The following ZDHHC21 variants were observed in gnomAD, a reference collection of about 807,000 sequenced individuals.
The protein encoded by ZDHHC21 is palmitoyltransferase ZDHHC21.
A neutral mutation model predicts 34.6 loss-of-function variants in ZDHHC21; 15 were observed. The ratio of observed to expected loss-of-function variants is 0.43; its 90% CI spans 0.29 to 0.67. The LOEUF (loss-of-function observed/expected upper bound fraction) is 0.67. ZDHHC21 is among the 30% of genes least tolerant of loss of function. The pLI, the probability that ZDHHC21 is intolerant of heterozygous loss-of-function variation, is 0.14. For synonymous variants in ZDHHC21, 142 were observed against 101.8 expected (o/e 1.40, Z -2.38); for missense variants, 344 against 327.7 (o/e 1.05, Z -0.38).
chr9:14,693,310 C>T lies in ZDHHC21; in HGVS notation c.-306G>A, dbSNP rs890803456. On this transcript the variant is annotated 5_prime_UTR_variant, in exon 1 of 10. Coordinates refer to ENST00000380916, the MANE Select transcript of ZDHHC21 (RefSeq NM_178566.6). ...TCCCCTCCTCCTGCCGCGCCACCTC[C>T]GCCTCCTCCGGCGCCGCCGCCCAGG... 2 of 417,212 alleles carry T rather than the reference C, an allele frequency of 4.8e-6. No individual in the cohort carries two copies. The highest frequency in any genetic ancestry group is 4.4e-5 in the African/African-American group (2 of 45,654). 25.8% of individuals were successfully genotyped at this position (417,212 alleles called of 1,614,324 possible). A position where few individuals can be genotyped will look rare whatever the true frequency, so the allele number is the denominator to read the frequency against.
intron 5 of ZDHHC21, among the ~76,000 whole-genome samples, chr9:14,664,465 T>A (rs1348725862): frequency 2.0e-5 from 3 of 151,534 alleles, no homozygotes. Context: ...CTTGCTTAGG[T>A]AGACAAAGCA....
intron 2 of ZDHHC21, among the ~76,000 whole-genome samples, chr9:14,681,842 T>C (rs1011923079): frequency 2.6e-5 from 4 of 152,000 alleles, no homozygotes; most frequent in African/African-American, 9.7e-5. Context: ...AGCAGATCTC[T>C]TGGCAGAAAC....
rs372983877 is a variant in ZDHHC21 at position 14,658,851 on chromosome 9, G to A, written c.402C>T (p.Leu134=). Residue 134 remains leucine, a synonymous_variant, in exon 7 of 10, where the codon CTC becomes CTT. Coordinates refer to ENST00000380916, the MANE Select transcript of ZDHHC21 (RefSeq NM_178566.6). ...CAGTGTAGAAACACAACTGCAGAAA[G>A]AGCCAATGATTATCTTCACCAACAC... ...NNCVGEDNHW[L]FLQLCFYTEL... is the part of the protein sequence containing the mutation. 2.5e-6 allele frequency: 4 copies of A among 1,612,934 alleles called. No homozygotes were observed. The highest frequency in any genetic ancestry group is 2.5e-6 in the Non-Finnish European group (3 of 1,179,422).
the ZDHHC21 span, chr9:14,589,928 G>C: frequency 6.6e-6 from 1 of 152,056 alleles, no homozygotes; most frequent in Non-Finnish European, 1.5e-5. Context: ...ACTAAATATG[G>C]GAAGAAGCAA....
At position 14,616,195 on chromosome 9, in the gene ZDHHC21, T is replaced by G. The variant is rs1021183744; in HGVS notation, c.*2771A>C. On this transcript the variant is annotated 3_prime_UTR_variant, in exon 10 of 10. Coordinates refer to ENST00000380916, the MANE Select transcript of ZDHHC21 (RefSeq NM_178566.6). ...TGCTTGGTTGTCTTTGTAGCTACAA[T>G]ACATTTCTATGTTTTGTAATAAATT... The G allele has an allele frequency of 9.2e-5, 14 of 151,774 alleles. No individual in the cohort carries two copies. The highest frequency in any genetic ancestry group is 2.1e-4 in the Non-Finnish European group (14 of 67,756). 9.4% of individuals were successfully genotyped at this position (151,774 alleles called of 1,614,324 possible). A position where few individuals can be genotyped will look rare whatever the true frequency, so the allele number is the denominator to read the frequency against.
intron 7 of ZDHHC21, among the ~76,000 whole-genome samples, chr9:14,642,662 T>G (rs918640784): frequency 6.6e-6 from 1 of 152,128 alleles, no homozygotes; most frequent in African/African-American, 2.4e-5. Flanking sequence ...GGAAAGACCA[T>G]GTGGGGACAG....
At chr9:14,663,509 A>C (rs1396915121) in intron 5 of ZDHHC21, among the ~76,000 whole-genome samples, 1 of 131,872 alleles carries the variant, frequency 7.6e-6, no homozygotes, top group Admixed American at 7.5e-5. Flanking sequence ...TTTTTTTTTT[A>C]CCAATATTGA....
the ZDHHC21 span, among the ~76,000 whole-genome samples, chr9:14,599,298 G>A: frequency 6.6e-6 from 1 of 152,166 alleles, no homozygotes; most frequent in Non-Finnish European, 1.5e-5. Context: ...CACAGAGGAT[G>A]AGCCAAAGCA....
At chr9:14,658,991 C>A (rs1832875205) in intron 6 of ZDHHC21, 104 bp from the exon 7 acceptor site, 1 of 1,180,906 alleles carries the variant, frequency 8.5e-7, no homozygotes, top group African/African-American at 1.5e-5. Flanking sequence ...ATATGCTTAA[C>A]TTCATGGAGA....
chr9:14,622,496 A>T (rs1040845738), intron 8 of ZDHHC21: 12 of 983,840 alleles, frequency 1.2e-5, no homozygotes, highest in Non-Finnish European at 1.3e-5. Flanking sequence ...GGGGGGTGGG[A>T]TAAAGAGCAA....
intron 7 of ZDHHC21, among the ~76,000 whole-genome samples, chr9:14,649,385 G>A (rs1301338073): frequency 1.3e-5 from 2 of 151,972 alleles, no homozygotes; most frequent in East Asian, 3.9e-4. Flanking sequence ...GGTTCATAAG[G>A]CAAATACTCT....
chr9:14,650,843 T>C (rs184974185), intron 7 of ZDHHC21, among the ~76,000 whole-genome samples: 1,780 of 152,076 alleles, frequency 0.012, 16 homozygotes, highest in African/African-American at 0.024. Context: ...TTGGCAGCAT[T>C]TCCTTTATTG....
chr9:14,692,396 T>A (rs1399399582), intron 1 of ZDHHC21, among the ~76,000 whole-genome samples: 1 of 152,214 alleles, frequency 6.6e-6, no homozygotes, highest in Non-Finnish European at 1.5e-5. Flanking sequence ...TAGTCGCCTT[T>A]GGACTGTAAC....
chr9:14,676,844 T>C (rs1836482415), intron 3 of ZDHHC21, among the ~76,000 whole-genome samples: 1 of 152,018 alleles, frequency 6.6e-6, no homozygotes, highest in African/African-American at 2.4e-5. Context: ...TATCAAGTGC[T>C]AAAAGAAATG....
chr9:14,647,834 T>A (rs1830534859), intron 7 of ZDHHC21, among the ~76,000 whole-genome samples: 1 of 152,148 alleles, frequency 6.6e-6, no homozygotes, highest in African/African-American at 2.4e-5. Flanking sequence ...TATTTCGAAT[T>A]ACTTCTAGGA....
the ZDHHC21 span, among the ~76,000 whole-genome samples, chr9:14,593,075 ATAACT>A: frequency 3.5e-4 from 53 of 152,296 alleles, no homozygotes; most frequent in African/African-American, 1.2e-3. Flanking sequence ...TTTCAACCAA[ATAACT>A]TAAGCTTCCA....
chr9:14,669,321 T>C (rs945093252), intron 5 of ZDHHC21, among the ~76,000 whole-genome samples: 2 of 143,190 alleles, frequency 1.4e-5, no homozygotes, highest in Non-Finnish European at 3.1e-5. Context: ...TCACACCAGT[T>C]AGAATGGCGA....
rs1409396222 is a variant in ZDHHC21 at position 14,611,409 on chromosome 9, T to C, written c.*7557A>G. ...TCAACTACTATTTTCCTAATTACCA[T>C]CAACACTAGAAATATTGGTGAAGAT... On this transcript the variant is annotated 3_prime_UTR_variant, in exon 10 of 10. Transcript: ENST00000380916. 6.6e-6 allele frequency: 1 copy of C among 151,962 alleles called. No homozygotes were observed. The allele number at this position is 151,962 out of a possible 1,614,324, so 9.4% of individuals were successfully genotyped here. A position where few individuals can be genotyped will look rare whatever the true frequency, so the allele number is the denominator to read the frequency against.
At position 14,662,316 on chromosome 9, in the gene ZDHHC21, G is replaced by C. The variant is rs759170358; in HGVS notation, c.264C>G (p.Phe88Leu). The change falls in exon 6 of 10, where the codon TTC becomes TTG. Residue 88 changes from phenylalanine (F) to leucine (L), a missense_variant. Transcript: ENST00000380916. ...AATTACACTTGTTACATAATTCCCA[G>C]AACTCCCTTTCTAAAGAAAAGAAAT... ...NPKIPHGERE[F>L]WELCNKCNLM... is the part of the protein sequence containing the mutation. The C allele has an allele frequency of 2.5e-6, 4 of 1,605,540 alleles. No individual in the cohort carries two copies. Among genetic ancestry groups the C allele is most frequent in the Non-Finnish European group, 8.5e-7 (1 of 1,177,264 alleles).
Sources: gnomAD v4.1 joint callset for allele counts (sites outside exome capture counted in the v4.1 genomes callset) on GRCh38, gnomAD v4.1.1 for gene constraint, MANE v1.5 for transcripts, NCBI Gene and HGNC (gene_info 2026-07-23, HGNC 2026-07-21) for gene names.